COP1: variants seen among roughly 807,000 people sequenced by gnomAD.
COP1 encodes the protein COP1 E3 ubiquitin ligase, also known as E3 ubiquitin-protein ligase COP1.
A neutral mutation model predicts 101.3 loss-of-function variants in COP1; 24 were observed. That is an observed-to-expected ratio of 0.24 (90% CI 0.17 to 0.33). The LOEUF is 0.33. Ranked by LOEUF, COP1 falls within the 10% of genes least tolerant of loss-of-function variation. The probability of loss-of-function intolerance (pLI) is 1.00; values close to 1 mark genes in which losing one functional copy is unlikely to be tolerated. For missense variants in COP1, 663 were observed against 906.2 expected (o/e 0.73, Z 3.45); for synonymous variants, 347 against 341.9 (o/e 1.01, Z -0.17).
intron 18 of COP1, among the ~76,000 whole-genome samples, chr1:175,961,229 A>C (rs1477234202): frequency 6.6e-6 from 1 of 152,206 alleles, no homozygotes; most frequent in Non-Finnish European, 1.5e-5. Flanking sequence ...AAACCCTGTC[A>C]TAGATCTAAC....
At chr1:176,160,818 T>C (rs1694213193) in intron 5 of COP1, among the ~76,000 whole-genome samples, 1 of 152,114 alleles carries the variant, frequency 6.6e-6, no homozygotes, top group Admixed American at 6.5e-5. Context: ...CCCACATACA[T>C]CTTTAAGTGT....
At chr1:176,136,730 A>T (rs1256772767) in intron 6 of COP1, among the ~76,000 whole-genome samples, 183 bp from the exon 7 acceptor site, 1 of 152,178 alleles carries the variant, frequency 6.6e-6, no homozygotes, top group Non-Finnish European at 1.5e-5. Flanking sequence ...CCCATTTTTT[A>T]ATGCAAAGGT....
intron 15 of COP1, chr1:176,017,178 T>C (rs1376319229): frequency 5.9e-5 from 9 of 152,206 alleles, no homozygotes. Flanking sequence ...ATAAAATGAC[T>C]ATTATTAATG....
At chr1:175,989,528 G>T in intron 15 of COP1, 49 bp from the exon 16 acceptor site, 1 of 1,068,390 alleles carries the variant, frequency 9.4e-7, no homozygotes, top group Non-Finnish European at 1.4e-6. Context: ...GAAATGGAAA[G>T]CAAAGTTAAT....
In COP1 at chr1:176,035,507, G is replaced by C. The variant is rs537773890; in HGVS notation, c.1612+7679C>G. On this transcript the variant is annotated intron_variant, in intron 14 of 19. Transcript: ENST00000367669. The stretch of plus-strand genomic sequence containing the variant: ...TAAGTATGTGACAAAGTAGTTTTCA[G>C]AGGAATATTGACAGGGATAGTGATA... Among the ~76,000 whole-genome samples, 19 of 152,024 alleles carry C rather than the reference G, an allele frequency of 1.2e-4. No homozygotes were observed. In the South Asian group the frequency reaches 3.9e-3, roughly 32 times the overall value.
At chr1:176,022,662 G>C (rs1181371914) in intron 15 of COP1, among the ~76,000 whole-genome samples, 1 of 152,174 alleles carries the variant, frequency 6.6e-6, no homozygotes, top group South Asian at 2.1e-4. Context: ...TTCAGTCAGT[G>C]AAAGGTACAA....
At chr1:175,982,522 T>C in intron 18 of COP1, 1 of 358,462 alleles carries the variant, frequency 2.8e-6, no homozygotes, top group South Asian at 2.3e-5. Flanking sequence ...CTTTTATGAT[T>C]TTCTTAATAA....
At chr1:176,174,508 A>G (rs982623774) in intron 3 of COP1, among the ~76,000 whole-genome samples, 3 of 152,208 alleles carry the variant, frequency 2.0e-5, no homozygotes, top group African/African-American at 7.2e-5. Flanking sequence ...AAAATCTTCA[A>G]TTCCTTTAAG....
intron 11 of COP1, among the ~76,000 whole-genome samples, chr1:176,065,344 G>GT (rs1675725967): frequency 6.6e-6 from 1 of 152,320 alleles, no homozygotes; most frequent in Admixed American, 6.5e-5. Context: ...TTACTAAGAA[G>GT]TTTTAAATGT....
intron 6 of COP1, among the ~76,000 whole-genome samples, chr1:176,137,900 A>T (rs1308282473): frequency 1.3e-5 from 2 of 152,132 alleles, no homozygotes; most frequent in Non-Finnish European, 2.9e-5. Flanking sequence ...ATCGAAAAAC[A>T]ACTGTAGCCC....
intron 9 of COP1, among the ~76,000 whole-genome samples, chr1:176,103,414 G>C (rs1055906563): frequency 3.3e-5 from 5 of 152,194 alleles, no homozygotes; most frequent in African/African-American, 1.2e-4. Context: ...GATTGAATGA[G>C]TTTCCAGGTT....
chr1:176,173,894 A>C (rs1696512496), intron 3 of COP1, among the ~76,000 whole-genome samples: 1 of 142,228 alleles, frequency 7.0e-6, no homozygotes, highest in South Asian at 2.3e-4. Context: ...AGACTGCGGC[A>C]GGAGAATCCT....
chr1:176,010,603 C>A (rs1664489504), intron 15 of COP1, among the ~76,000 whole-genome samples: 1 of 152,174 alleles, frequency 6.6e-6, no homozygotes, highest in Non-Finnish European at 1.5e-5. Flanking sequence ...CTTTCTATCA[C>A]ATCAAAAGAA....
intron 15 of COP1, among the ~76,000 whole-genome samples, chr1:176,023,103 T>C (rs190701698): frequency 7.2e-5 from 11 of 152,284 alleles, no homozygotes; most frequent in Non-Finnish European, 1.3e-4. Flanking sequence ...TTGATTTCAA[T>C]AGTGCCACTA....
At chr1:176,151,458 C>A (rs550842175) in intron 5 of COP1, among the ~76,000 whole-genome samples, 2 of 152,250 alleles carry the variant, frequency 1.3e-5, no homozygotes, top group East Asian at 3.9e-4. Context: ...CAGTACTCTA[C>A]AATACAGCAA....
rs1174700907 is a variant in COP1 at position 176,171,124 on chromosome 1, C to CAAAA, written c.565+4782_565+4785dup. 1.7e-3 allele frequency among the ~76,000 whole-genome samples: 94 copies of CAAAA among 56,712 alleles called. 2 individuals are homozygous for CAAAA. Among genetic ancestry groups the CAAAA allele is most frequent in the African/African-American group, 3.9e-3 (55 of 14,270 alleles). The allele number at this position is 56,712 out of a possible 152,430, so 37.2% of individuals were successfully genotyped here. On this transcript the variant is annotated intron_variant, in intron 3 of 19. Coordinates refer to ENST00000367669, the MANE Select transcript of COP1 (RefSeq NM_022457.7). ...TGGGCAACAGAGCGAGACTCCATCT[C>CAAAA]AAAAAAAAAAAAAAAAAAAAAAAAG...
rs539699411 is a variant in COP1, at chr1:176,006,676, A to C, written c.1730-17197T>G. On this transcript the variant is annotated intron_variant, in intron 15 of 19. Coordinates refer to ENST00000367669, the MANE Select transcript of COP1 (RefSeq NM_022457.7). ...TTCTTTAAGAATGTTGAATATTGGC[A>C]CCCACTCTCTTCTGGCTTGTAGGGT... is the stretch of plus-strand genomic sequence containing the variant. Among the ~76,000 whole-genome samples, 464 of 152,188 alleles carry C rather than the reference A, an allele frequency of 3.0e-3. 3 individuals carry two copies. Among genetic ancestry groups the C allele is most frequent in the African/African-American group, 0.01 (420 of 41,500 alleles).
chr1:176,186,293 TA>T (rs1698431762), intron 1 of COP1, among the ~76,000 whole-genome samples: 1 of 150,918 alleles, frequency 6.6e-6, no homozygotes, highest in Non-Finnish European at 1.5e-5. Flanking sequence ...GCAAATTTTT[TA>T]AAAAGGCACT....
intron 14 of COP1, among the ~76,000 whole-genome samples, chr1:176,037,230 G>A (rs888546701): frequency 4.6e-5 from 7 of 151,924 alleles, no homozygotes; most frequent in Middle Eastern, 3.4e-3. Context: ...GTGAAACCCC[G>A]TCTCTACTAA....
Sources: allele counts gnomAD v4.1 joint callset (sites outside exome capture counted in the v4.1 genomes callset), GRCh38; gene constraint gnomAD v4.1.1; transcripts MANE v1.5; gene names NCBI Gene and HGNC (gene_info 2026-07-23, HGNC 2026-07-21).